The following DMD variants were observed in gnomAD, a reference collection of about 807,000 sequenced individuals.
DMD encodes the protein dystrophin, also known as mutant dystrophin.
A neutral mutation model predicts 330.1 loss-of-function variants in DMD; 63 were observed. The observed-to-expected ratio is 0.19, with a 90% CI of 0.16 to 0.24. DMD has a LOEUF of 0.24. Ranked by LOEUF, DMD falls within the 10% of genes least tolerant of loss-of-function variation. The pLI, the probability that DMD is intolerant of heterozygous loss-of-function variation, is 1.00. For missense variants in DMD, 3,344 were observed against 2,684.1 expected, an observed-to-expected ratio of 1.25 and a Z score of -5.43; for synonymous variants, 1,223 against 959.8, an observed-to-expected ratio of 1.27 and a Z score of -5.07.
intron 60 of DMD, among the ~76,000 whole-genome samples, chrX:31,418,562 C>T (rs1489855643): frequency 8.9e-6 from 1 of 111,913 alleles, no homozygotes; most frequent in African/African-American, 3.2e-5. Flanking sequence ...AGGGAAGGTA[C>T]CTAACTGCTC....
chrX:31,546,993 T>A (rs892662599), intron 55 of DMD, among the ~76,000 whole-genome samples: 1 of 112,488 alleles, frequency 8.9e-6, no homozygotes, highest in African/African-American at 3.2e-5. Context: ...AAATTTCCAA[T>A]TAGAATGAAA....
intron 2 of DMD, among the ~76,000 whole-genome samples, chrX:32,886,863 T>G (rs184878389): frequency 7.2e-5 from 8 of 111,804 alleles, no homozygotes; most frequent in African/African-American, 1.9e-4. Context: ...TAAAATCACT[T>G]ATGTGATAGT....
chrX:33,263,438 A>ATATATAT (rs1557310303), intron 1 of DMD, among the ~76,000 whole-genome samples: 3 of 103,959 alleles, frequency 2.9e-5, no homozygotes, highest in African/African-American at 1.0e-4. Flanking sequence ...CTTTTTAAAA[A>ATATATAT]ATATATATAT....
At chrX:31,300,804 T>A (rs2054586478) in intron 62 of DMD, among the ~76,000 whole-genome samples, 1 of 112,245 alleles carries the variant, frequency 8.9e-6, no homozygotes, top group African/African-American at 3.2e-5. Flanking sequence ...TTACAAATAT[T>A]AATTTCTAAA....
intron 60 of DMD, among the ~76,000 whole-genome samples, chrX:31,406,168 G>A (rs2061395307): frequency 8.9e-6 from 1 of 111,794 alleles, no homozygotes; most frequent in Non-Finnish European, 1.9e-5. Context: ...GCAATGTACT[G>A]TGTTAGAAGC....
chrX:31,139,940 A>G (rs751511462), intron 76 of DMD, among the ~76,000 whole-genome samples: 2 of 112,757 alleles, frequency 1.8e-5, no homozygotes, highest in African/African-American at 3.2e-5. Flanking sequence ...CAAATAAATC[A>G]CTGAAACATT....
intron 2 of DMD, among the ~76,000 whole-genome samples, chrX:33,008,794 G>A (rs200186832): frequency 1.9e-5 from 1 of 53,367 alleles, no homozygotes; most frequent in Non-Finnish European, 3.3e-5. Context: ...CTATATATAC[G>A]TATATATACG....
intron 1 of DMD, among the ~76,000 whole-genome samples, chrX:33,120,817 G>A (rs1280034962): frequency 9.8e-6 from 1 of 101,803 alleles, no homozygotes; most frequent in Non-Finnish European, 2.0e-5. Flanking sequence ...GGAGGCGGAG[G>A]TTGCAGTGAG....
chrX:32,780,834 C>T (rs1258755399), intron 7 of DMD, among the ~76,000 whole-genome samples: 1 of 110,089 alleles, frequency 9.1e-6, no homozygotes, highest in Non-Finnish European at 1.9e-5. Flanking sequence ...CATTAAAAAA[C>T]AGGCACTCGC....
chrX:33,119,825 T>C (rs1233429393), intron 1 of DMD, among the ~76,000 whole-genome samples: 1 of 111,664 alleles, frequency 9.0e-6, no homozygotes, highest in East Asian at 2.8e-4. Context: ...AAGGGTAAAT[T>C]AGACTAGGAT....
At chrX:32,199,884 G>A (rs779188055) in intron 44 of DMD, among the ~76,000 whole-genome samples, 5 of 107,149 alleles carry the variant, frequency 4.7e-5, no homozygotes, top group African/African-American at 1.7e-4. Flanking sequence ...AAACTTCTGG[G>A]CTCAAGCAAT....
chrX:32,679,938 G>A (rs1421168837), intron 9 of DMD, among the ~76,000 whole-genome samples: 1 of 46,894 alleles, frequency 2.1e-5, no homozygotes, highest in Non-Finnish European at 3.5e-5. Flanking sequence ...TTTTTGAGAC[G>A]GAGTCTTACT....
chrX:32,476,232 A>T (rs541646594), intron 21 of DMD, among the ~76,000 whole-genome samples: 2 of 111,297 alleles, frequency 1.8e-5, no homozygotes, highest in Non-Finnish European at 3.8e-5. Context: ...CAGTCTCTGA[A>T]TTATTGATCT....
At position 32,651,589 on chromosome X, in the gene DMD, G is replaced by C. The variant is rs186935814; in HGVS notation, c.961-6437C>G. 3.8e-3 allele frequency among the ~76,000 whole-genome samples: 421 copies of C among 111,660 alleles called. 5 individuals carry two copies. Among genetic ancestry groups the C allele is most frequent in the Admixed American group, 0.03 (314 of 10,499 alleles). On this transcript the variant is annotated intron_variant, in intron 9 of 78. Transcript: ENST00000357033. ...CAAATGTCAAGTCTAAATAATGCACGCAAGTCACAGACACTGATATCACAC... is the reference window on the plus strand; with the variant it reads ...CAAATGTCAAGTCTAAATAATGCACCCAAGTCACAGACACTGATATCACAC...
At chrX:31,338,204 G>A (rs1037789397) in intron 61 of DMD, among the ~76,000 whole-genome samples, 1 of 106,897 alleles carries the variant, frequency 9.4e-6, no homozygotes, top group Non-Finnish European at 1.9e-5. Context: ...GGTGGCTCAC[G>A]CCTGTAATCC....
chrX:32,252,599 T>TATAA lies in DMD; in HGVS notation c.6290+34929_6290+34930insTTAT, dbSNP rs1557242667. Reference sequence around the variant, plus strand: ...ATATAGTGCCATATATATATATATATAAACATATATAAATAAATATATAAA... The same window carrying TATAA: ...ATATAGTGCCATATATATATATATATATAAAAACATATATAAATAAATATATAAA... On this transcript the variant is annotated intron_variant, in intron 43 of 78. Transcript: ENST00000357033. Among the ~76,000 whole-genome samples, 248 of 74,081 alleles carry TATAA rather than the reference T, an allele frequency of 3.3e-3. 10 individuals carry two copies. The highest frequency in any genetic ancestry group is 3.6e-3 in the Non-Finnish European group (157 of 43,159). The allele number at this position is 74,081 out of a possible 115,157, so 64.3% of individuals were successfully genotyped here.
At chrX:31,207,235 T>C (rs1446457251) in intron 65 of DMD, among the ~76,000 whole-genome samples, 3 of 111,953 alleles carry the variant, frequency 2.7e-5, no homozygotes, top group Admixed American at 1.9e-4. Flanking sequence ...AAAAATATCA[T>C]ACTCTATTAA....
At chrX:32,227,264 CATATATATATATATAT>C (rs57305198) in intron 43 of DMD, among the ~76,000 whole-genome samples, 4,456 of 35,835 alleles carry the variant, frequency 0.12, 276 homozygotes, top group Admixed American at 0.21. Flanking sequence ...TAAGTCTAAG[CATATATATATATATAT>C]ATATATATAT....
intron 66 of DMD, among the ~76,000 whole-genome samples, chrX:31,205,403 A>C (rs2043966953): frequency 8.9e-6 from 1 of 112,107 alleles, no homozygotes; most frequent in Admixed American, 9.5e-5. Flanking sequence ...TTTTGCATTT[A>C]ATATTTTTGT....
Sources: gnomAD v4.1 joint callset for allele counts (sites outside exome capture counted in the v4.1 genomes callset) on GRCh38, gnomAD v4.1.1 for gene constraint, MANE v1.5 for transcripts, NCBI Gene and HGNC (gene_info 2026-07-23, HGNC 2026-07-21) for gene names.